Variants in SOS1 observed in about 807,000 individuals in gnomAD.
The protein encoded by SOS1 is son of sevenless homolog 1.
SOS1 carries 25 observed loss-of-function variants against 157.6 expected under a neutral mutation model. The ratio of observed to expected loss-of-function variants is 0.16; its 90% CI spans 0.12 to 0.22. SOS1 has a LOEUF of 0.22. Among genes scored for constraint, SOS1 ranks in the 10% least tolerant of loss-of-function variants. SOS1 has a pLI of 1.00. For synonymous variants in SOS1, 528 were observed against 534.0 expected (o/e 0.99, Z 0.16); for missense variants, 1,237 against 1,599.1 (o/e 0.77, Z 3.86).
chr2:38,996,784 T>G, intron 19 of SOS1, 138 bp downstream of exon 19: 2 of 634,840 alleles, frequency 3.2e-6, no homozygotes, highest in Non-Finnish European at 5.8e-6. Flanking sequence ...AAGTGGGATA[T>G]TCCTGGACAT....
At chr2:39,110,157 T>G (rs1051019349) in intron 1 of SOS1, among the ~76,000 whole-genome samples, 18 of 151,952 alleles carry the variant, frequency 1.2e-4, no homozygotes, top group Middle Eastern at 6.3e-3. Context: ...TACCAGAATC[T>G]GCAGATGCTC....
At chr2:39,054,861 T>C (rs1235827830) in intron 4 of SOS1, 38 bp from the exon 5 acceptor site, 6 of 1,065,468 alleles carry the variant, frequency 5.6e-6, no homozygotes, top group South Asian at 1.3e-5. Context: ...TAATAAAATA[T>C]GAAGCTTTCG....
At chr2:39,077,896 A>C (rs889038053) in intron 1 of SOS1, among the ~76,000 whole-genome samples, 1 of 152,202 alleles carries the variant, frequency 6.6e-6, no homozygotes, top group African/African-American at 2.4e-5. Flanking sequence ...CTGAGTTAGG[A>C]AAGAATTTAT....
At chr2:38,995,077 A>G (rs575954595) in intron 20 of SOS1, 46 bp downstream of exon 20, 8 of 1,523,340 alleles carry the variant, frequency 5.3e-6, no homozygotes, top group Non-Finnish European at 6.4e-6. Context: ...TCTAGCATGT[A>G]TAGTACTAAC....
At chr2:39,068,423 G>A (rs908358180) in intron 1 of SOS1, among the ~76,000 whole-genome samples, 1 of 152,160 alleles carries the variant, frequency 6.6e-6, no homozygotes, top group Non-Finnish European at 1.5e-5. Context: ...GGGCAAAACT[G>A]ACCTCCTATG....
Position 39,067,668 on chromosome 2 carries a change from A to G in SOS1, c.173T>C (p.Met58Thr), listed in dbSNP as rs746906388. 1.9e-6 allele frequency: 3 copies of G among 1,613,202 alleles called. No individual in the cohort carries two copies. Among genetic ancestry groups the G allele is most frequent in the Non-Finnish European group, 2.5e-6 (3 of 1,179,124 alleles). The change falls in exon 2 of 23, where the codon ATG (methionine) becomes ACG (threonine). Residue 58 changes from methionine (M) to threonine (T), a missense_variant. Met to Thr is a moderately conservative substitution (Grantham distance 81, BLOSUM62 -1). This residue lies in a region of SOS1 where 99 missense variants were observed against 81.6 expected (regional missense o/e 1.21). Coordinates refer to ENST00000402219, the MANE Select transcript of SOS1 (RefSeq NM_005633.4). The part of the protein sequence containing the change: ...VEELILQLLN[M>T]LCQAQPRSAS... ...ACTTCGGGGCTGAGCTTGGCATAGC[A>G]TATTTAATAATTGCAAAATTAATTC...
chr2:39,042,884 T>C (rs190640133), intron 6 of SOS1, among the ~76,000 whole-genome samples: 124 of 152,236 alleles, frequency 8.1e-4, no homozygotes, highest in African/African-American at 2.5e-3. Flanking sequence ...GGCTGATCTT[T>C]TATCCAATAG....
At chr2:39,021,487 T>G (rs532449502) in intron 10 of SOS1, among the ~76,000 whole-genome samples, 5 of 129,284 alleles carry the variant, frequency 3.9e-5, no homozygotes, top group African/African-American at 1.4e-4. Flanking sequence ...CTTGTGACAG[T>G]AAACACTAGT....
At chr2:39,090,584 T>C (rs1406801637) in intron 1 of SOS1, among the ~76,000 whole-genome samples, 1 of 152,000 alleles carries the variant, frequency 6.6e-6, no homozygotes, top group Non-Finnish European at 1.5e-5. Context: ...TAATCCCAGC[T>C]ACTAGACAGG....
chr2:39,094,213 A>G (rs1394689645), intron 1 of SOS1, among the ~76,000 whole-genome samples: 1 of 152,112 alleles, frequency 6.6e-6, no homozygotes, highest in African/African-American at 2.4e-5. Flanking sequence ...CTTAATATTA[A>G]AAATGTTACT....
At chr2:39,056,916 A>C in intron 3 of SOS1, 50 bp from the exon 4 acceptor site, 1 of 1,249,322 alleles carries the variant, frequency 8.0e-7, no homozygotes, top group East Asian at 2.3e-5. Flanking sequence ...CTGTACATTT[A>C]ACACACTGAT....
At chr2:39,051,678 G>C (rs576644800) in intron 5 of SOS1, among the ~76,000 whole-genome samples, 52 of 151,978 alleles carry the variant, frequency 3.4e-4, no homozygotes, top group Non-Finnish European at 4.1e-4. Context: ...AACATAAATA[G>C]CACTTTTATA....
chr2:39,120,214 T>G, intron 1 of SOS1, 122 bp downstream of exon 1: 8 of 857,040 alleles, frequency 9.3e-6, no homozygotes, highest in Non-Finnish European at 9.8e-6. Flanking sequence ...GCGCCGTCCT[T>G]TTGGAGACGC....
At chr2:39,026,629 C>T (rs115829643) in intron 8 of SOS1, among the ~76,000 whole-genome samples, 19 of 152,262 alleles carry the variant, frequency 1.2e-4, no homozygotes, top group African/African-American at 3.8e-4. Flanking sequence ...TCTCAAAGTA[C>T]CTTCCATCCC....
At chr2:39,101,092 G>A (rs1672950110) in intron 1 of SOS1, among the ~76,000 whole-genome samples, 1 of 152,190 alleles carries the variant, frequency 6.6e-6, no homozygotes, top group Admixed American at 6.5e-5. Flanking sequence ...GAAGCGTGCC[G>A]CTAGCATCTG....
chr2:39,071,769 C>T (rs1195751362), intron 1 of SOS1, among the ~76,000 whole-genome samples: 1 of 152,150 alleles, frequency 6.6e-6, no homozygotes, highest in Non-Finnish European at 1.5e-5. Flanking sequence ...AGCTCCATTT[C>T]CAGCTGCTCT....
intron 2 of SOS1, among the ~76,000 whole-genome samples, chr2:39,064,411 G>A (rs1051305225): frequency 7.2e-5 from 11 of 152,140 alleles, no homozygotes; most frequent in African/African-American, 2.4e-4. Context: ...AGCAAATGGT[G>A]CCTTACATTC....
At chr2:39,019,557 C>T (rs1433748853) in intron 10 of SOS1, among the ~76,000 whole-genome samples, 2 of 151,638 alleles carry the variant, frequency 1.3e-5, no homozygotes, top group African/African-American at 4.8e-5. Flanking sequence ...AATTATGATA[C>T]ATCCAGAAAC....
intron 17 of SOS1, among the ~76,000 whole-genome samples, chr2:39,001,663 G>A (rs1346326212): frequency 1.3e-5 from 2 of 152,180 alleles, no homozygotes; most frequent in African/African-American, 4.8e-5. Flanking sequence ...CATATAGACA[G>A]GATGGAATTC....
Sources: gnomAD v4.1 joint callset for allele counts (sites outside exome capture counted in the v4.1 genomes callset) on GRCh38, gnomAD v4.1.1 for gene constraint, gnomAD v4.1.1 regional missense constraint, MANE v1.5 for transcripts, NCBI Gene and HGNC (gene_info 2026-07-23, HGNC 2026-07-21) for gene names.